The following MAN2A1 variants were observed in gnomAD, a reference collection of about 807,000 sequenced individuals.
MAN2A1 encodes mannosidase alpha class 2A member 1, also known as alpha-mannosidase 2.
Under a neutral mutation model 142.6 loss-of-function variants are expected in MAN2A1, and 76 were observed. That is an observed-to-expected ratio of 0.53 (90% CI 0.44 to 0.65). MAN2A1 has a LOEUF of 0.65. Among genes scored for constraint, MAN2A1 ranks in the 30% least tolerant of loss-of-function variants. The pLI is 0.00. For missense variants in MAN2A1, 1,311 were observed against 1,365.1 expected, an observed-to-expected ratio of 0.96 and a Z score of 0.62; for synonymous variants, 559 against 473.2, an observed-to-expected ratio of 1.18 and a Z score of -2.35.
chr5:109,850,141 T>C (rs1176429580), intron 19 of MAN2A1, among the ~76,000 whole-genome samples: 2 of 152,174 alleles, frequency 1.3e-5, no homozygotes, highest in Admixed American at 1.3e-4. Flanking sequence ...GACCATAAAC[T>C]CCATGAGAGT....
intron 4 of MAN2A1, among the ~76,000 whole-genome samples, chr5:109,731,973 C>T (rs1751926589): frequency 1.3e-5 from 2 of 152,010 alleles, no homozygotes; most frequent in Non-Finnish European, 1.5e-5. Flanking sequence ...TTTACAGTCC[C>T]ACCAATAGTG....
chr5:109,834,368 C>T (rs750894339), intron 16 of MAN2A1, among the ~76,000 whole-genome samples: 8 of 151,846 alleles, frequency 5.3e-5, no homozygotes, highest in East Asian at 1.9e-4. Context: ...AAACTGATGT[C>T]GGTATTATGA....
Position 109,784,618 on chromosome 5 carries a change from C to A in MAN2A1, c.1578-126C>A, listed in dbSNP as rs565490191. ...TTATATGAACTATTATTACCAATAT[C>A]TTTTTCATAAATTGCTTGTACTGCA... is the stretch of plus-strand genomic sequence containing the variant. On this transcript the variant is annotated intron_variant, in intron 9 of 21. Coordinates refer to ENST00000261483, the MANE Select transcript of MAN2A1 (RefSeq NM_002372.4). 1.7e-4 allele frequency: 115 copies of A among 659,452 alleles called. 1 individual carries two copies. The Middle Eastern group carries it at 1.9e-3, about 11-fold the overall frequency. The allele number at this position is 659,452 out of a possible 1,614,324, so 40.9% of individuals were successfully genotyped here.
chr5:109,730,136 T>C (rs1751863637), intron 4 of MAN2A1, among the ~76,000 whole-genome samples: 1 of 152,198 alleles, frequency 6.6e-6, no homozygotes, highest in Non-Finnish European at 1.5e-5. Flanking sequence ...CAATCTTCCA[T>C]ATAGAAAGTA....
chr5:109,713,667 A>G lies in MAN2A1; in HGVS notation c.283A>G (p.Ser95Gly), dbSNP rs1179826132. The change falls in exon 2 of 22, where the codon AGC (serine) becomes GGC (glycine). Residue 95 changes from serine (S) to glycine (G), a missense_variant. Physicochemically the swap from Ser to Gly is moderately conservative, Grantham distance 56. Coordinates refer to ENST00000261483, the MANE Select transcript of MAN2A1 (RefSeq NM_002372.4). ...TCCGAAAAGTTCACAAAGCAATTTC[A>G]GCCAAGGTGCTGGCTCACATCTTCT... ...DGPKSSQSNF[S>G]QGAGSHLLPS... The G allele has an allele frequency of 1.9e-6, 3 of 1,614,228 alleles. No homozygotes were observed. The highest frequency in any genetic ancestry group is 2.5e-6 in the Non-Finnish European group (3 of 1,180,032).
intron 21 of MAN2A1, 39 bp from the exon 22 acceptor site, chr5:109,866,807 G>T: frequency 7.2e-7 from 1 of 1,389,334 alleles, no homozygotes; most frequent in East Asian, 2.3e-5. Context: ...AATCTTCAAA[G>T]TTGATCTAAA....
Position 109,819,855 on chromosome 5 carries a change from T to C in MAN2A1, c.2296T>C (p.Leu766=). 6.2e-7 allele frequency: 1 copy of C among 1,601,770 alleles called. No individual in the cohort carries two copies. ...EGITLENSFV[L]LRFDQTGLMK... is the part of the protein sequence containing the mutation. ...TATAACACTAGAGAACTCCTTTGTT[T>C]TACTTCGGTTTGATCAAACTGGACT... Residue 766 remains leucine, a synonymous_variant, in exon 14 of 22, where the codon TTA becomes CTA. Transcript: ENST00000261483.
intron 20 of MAN2A1, chr5:109,864,788 G>C (rs1755838496): frequency 2.3e-6 from 1 of 436,624 alleles, no homozygotes; most frequent in African/African-American, 2.0e-5. Context: ...GATTATAGGG[G>C]AAACCAAGGC....
chr5:109,841,696 G>T (rs1163073491), intron 16 of MAN2A1, among the ~76,000 whole-genome samples: 1 of 152,122 alleles, frequency 6.6e-6, no homozygotes, highest in Non-Finnish European at 1.5e-5. Context: ...GGACAAAATG[G>T]ATCATTTCAT....
At chr5:109,845,749 G>T in intron 17 of MAN2A1, 116 bp from the exon 18 acceptor site, 1 of 693,410 alleles carries the variant, frequency 1.4e-6, no homozygotes. Flanking sequence ...TTCTTCCACT[G>T]AATAAAAAGG....
At chr5:109,699,630 A>G (rs916908596) in intron 1 of MAN2A1, 3 of 152,758 alleles carry the variant, frequency 2.0e-5, no homozygotes, top group Admixed American at 6.5e-5. Flanking sequence ...CCAGCAGGGG[A>G]GTGCAGCTCC....
intron 4 of MAN2A1, among the ~76,000 whole-genome samples, chr5:109,736,015 C>T (rs1752086767): frequency 6.6e-6 from 1 of 151,770 alleles, no homozygotes. Context: ...GCCACATCCA[C>T]TCTAGGCATG....
Position 109,803,781 on chromosome 5 carries a change from T to A in MAN2A1, c.1944-13492T>A, listed in dbSNP as rs529224581. ...GTTTTGGTGTGTTTGCTAGATAATA[T>A]AAATTTTGAATGATTCTGTTTTGCT... On this transcript the variant is annotated intron_variant, in intron 12 of 21. Coordinates refer to ENST00000261483, the MANE Select transcript of MAN2A1 (RefSeq NM_002372.4). 2.6e-5 allele frequency among the ~76,000 whole-genome samples: 4 copies of A among 152,190 alleles called. No homozygotes were observed. In the East Asian group the frequency reaches 5.8e-4, roughly 22 times the overall value.
At position 109,835,531 on chromosome 5, in the gene MAN2A1, G is replaced by A. The variant is rs766610877; in HGVS notation, c.2567-6797G>A. On this transcript the variant is annotated intron_variant, in intron 16 of 21. Transcript: ENST00000261483. ...TTTTATTTGCAGACTTAAATATGCC[G>A]CTTAGGATTCTCGCCATCACTTGTC... Among the ~76,000 whole-genome samples the A allele has an allele frequency of 3.3e-5, 5 of 152,140 alleles. No homozygotes were observed. In the South Asian group the frequency reaches 6.2e-4, roughly 19 times the overall value.
At chr5:109,694,762 T>C (rs1750766596) in intron 1 of MAN2A1, among the ~76,000 whole-genome samples, 2 of 152,182 alleles carry the variant, frequency 1.3e-5, no homozygotes, top group African/African-American at 4.8e-5. Flanking sequence ...TTAATGAAAG[T>C]TGACTCATGG....
At chr5:109,744,191 A>G (rs1365329267) in intron 4 of MAN2A1, among the ~76,000 whole-genome samples, 1 of 152,130 alleles carries the variant, frequency 6.6e-6, no homozygotes, top group African/African-American at 2.4e-5. Flanking sequence ...GGTAAGCAAG[A>G]CTGACCTGGT....
chr5:109,731,630 C>T (rs1174749700), intron 4 of MAN2A1, among the ~76,000 whole-genome samples: 10 of 149,876 alleles, frequency 6.7e-5, no homozygotes, highest in Non-Finnish European at 1.0e-4. Flanking sequence ...TTTGTCCTTG[C>T]GATAATTTGC....
At chr5:109,767,772 A>G in intron 6 of MAN2A1, 64 bp downstream of exon 6, 1 of 1,341,486 alleles carries the variant, frequency 7.5e-7, no homozygotes, top group Non-Finnish European at 1.0e-6. Flanking sequence ...AGGGTTATGA[A>G]CTCATGCCAC....
At chr5:109,742,079 A>G (rs1048884339) in intron 4 of MAN2A1, among the ~76,000 whole-genome samples, 6 of 152,262 alleles carry the variant, frequency 3.9e-5, no homozygotes, top group Non-Finnish European at 7.3e-5. Context: ...ATTGAGAGTC[A>G]GGCAGCTGAA....
Sources: allele counts gnomAD v4.1 joint callset (sites outside exome capture counted in the v4.1 genomes callset), GRCh38; gene constraint gnomAD v4.1.1; transcripts MANE v1.5; gene names NCBI Gene and HGNC (gene_info 2026-07-23, HGNC 2026-07-21).